WWOX: variants seen among roughly 807,000 people sequenced by gnomAD.
WWOX encodes the protein WW domain-containing oxidoreductase.
WWOX carries 69 observed loss-of-function variants against 46.2 expected under a neutral mutation model. The ratio of observed to expected loss-of-function variants is 1.49; its 90% CI spans 1.23 to 1.82. The LOEUF (loss-of-function observed/expected upper bound fraction) is 1.82. WWOX is among the 40% of genes most tolerant of loss of function. The pLI, the probability that WWOX is intolerant of heterozygous loss-of-function variation, is 0.00. For missense variants in WWOX, 919 were observed against 542.6 expected, an observed-to-expected ratio of 1.69 and a Z score of -6.89; for synonymous variants, 359 against 202.6, an observed-to-expected ratio of 1.77 and a Z score of -6.56.
intron 8 of WWOX, among the ~76,000 whole-genome samples, chr16:79,042,339 T>G (rs1274079847): frequency 6.6e-6 from 1 of 152,170 alleles, no homozygotes; most frequent in Non-Finnish European, 1.5e-5. Context: ...AACATGGAAG[T>G]TCATTGACTT....
chr16:78,775,182 C>G (rs1277658306), intron 8 of WWOX, among the ~76,000 whole-genome samples: 2 of 152,176 alleles, frequency 1.3e-5, no homozygotes, highest in African/African-American at 2.4e-5. Flanking sequence ...CCTGGCTCCT[C>G]TCCTCTCTTC....
At chr16:78,750,510 G>C (rs929450743) in intron 8 of WWOX, among the ~76,000 whole-genome samples, 1 of 151,864 alleles carries the variant, frequency 6.6e-6, no homozygotes, top group Non-Finnish European at 1.5e-5. Flanking sequence ...TTTCAGTTTC[G>C]GGGGGTACAT....
intron 8 of WWOX, among the ~76,000 whole-genome samples, chr16:78,969,437 A>G (rs540480921): frequency 2.0e-5 from 3 of 151,928 alleles, no homozygotes; most frequent in South Asian, 2.1e-4. Context: ...ATGCCCAGCT[A>G]ATTTTGTATT....
At chr16:79,146,102 T>C (rs2050178368) in intron 8 of WWOX, among the ~76,000 whole-genome samples, 1 of 152,218 alleles carries the variant, frequency 6.6e-6, no homozygotes, top group African/African-American at 2.4e-5. Flanking sequence ...TGCTGTGTTT[T>C]ATCTGTATTC....
chr16:78,915,334 G>C (rs187557224), intron 8 of WWOX, among the ~76,000 whole-genome samples: 3 of 152,286 alleles, frequency 2.0e-5, no homozygotes, highest in African/African-American at 4.8e-5. Context: ...AGTAAATGCT[G>C]TGTGTCTGCG....
At chr16:78,887,077 GGTGTGTGTGTGTGTGTGT>G (rs749992495) in intron 8 of WWOX, among the ~76,000 whole-genome samples, 7,809 of 60,990 alleles carry the variant, frequency 0.13, 322 homozygotes, top group Middle Eastern at 0.25. Context: ...GTGTGTGTGT[GGTGTGTGTGTGTGTGTGT>G]GTGTGTGTGT....
intron 8 of WWOX, among the ~76,000 whole-genome samples, chr16:78,971,975 C>A (rs74833443): frequency 6.6e-6 from 1 of 152,154 alleles, no homozygotes; most frequent in Non-Finnish European, 1.5e-5. Flanking sequence ...TGGAGCTCTT[C>A]CCAGGCCGAG....
chr16:78,895,288 C>T (rs1440204350), intron 8 of WWOX: 1 of 152,140 alleles, frequency 6.6e-6, no homozygotes, highest in African/African-American at 2.4e-5. Flanking sequence ...CTTTTCTTTT[C>T]TTAATTATGC....
At chr16:78,964,224 G>C (rs1049836497) in intron 8 of WWOX, among the ~76,000 whole-genome samples, 2 of 152,190 alleles carry the variant, frequency 1.3e-5, no homozygotes, top group Non-Finnish European at 2.9e-5. Context: ...ACCGTTGGGA[G>C]GTCTCAGAAG....
chr16:78,125,051 T>G (rs1411999367), intron 4 of WWOX, among the ~76,000 whole-genome samples: 1 of 152,196 alleles, frequency 6.6e-6, no homozygotes, highest in Non-Finnish European at 1.5e-5. Context: ...AAACTGAAGT[T>G]AAAGCTAATA....
At chr16:78,421,373 C>A (rs1477207083) in intron 6 of WWOX, among the ~76,000 whole-genome samples, 1 of 152,104 alleles carries the variant, frequency 6.6e-6, no homozygotes, top group African/African-American at 2.4e-5. Flanking sequence ...CTAATCTCTG[C>A]CTCTGTCTTT....
chr16:79,182,082 CAAAGGATGATTCCTGCT>C (rs2050923647), intron 8 of WWOX, among the ~76,000 whole-genome samples: 4 of 151,368 alleles, frequency 2.6e-5, no homozygotes, highest in African/African-American at 9.7e-5. Context: ...CCACCCTACC[CAAAGGATGATTCCTGCT>C]CACACCAGCC....
At chr16:79,153,477 CT>C (rs1438175099) in intron 8 of WWOX, among the ~76,000 whole-genome samples, 3 of 152,248 alleles carry the variant, frequency 2.0e-5, no homozygotes, top group African/African-American at 7.2e-5. Context: ...TCGGGAATGC[CT>C]TTTGTCGTTA....
chr16:78,836,495 G>A (rs1567594226), intron 8 of WWOX, among the ~76,000 whole-genome samples: 2 of 152,128 alleles, frequency 1.3e-5, no homozygotes, highest in East Asian at 3.9e-4. Flanking sequence ...TCTCACATTG[G>A]TATTTTCAGA....
At chr16:79,080,380 C>T (rs999216482) in intron 8 of WWOX, among the ~76,000 whole-genome samples, 9 of 152,214 alleles carry the variant, frequency 5.9e-5, no homozygotes, top group South Asian at 2.1e-4. Flanking sequence ...CAGGAATTTG[C>T]ACATTATAGT....
chr16:78,955,287 A>G (rs1464612906), intron 8 of WWOX, among the ~76,000 whole-genome samples: 1 of 152,150 alleles, frequency 6.6e-6, no homozygotes, highest in Non-Finnish European at 1.5e-5. Flanking sequence ...CATGCCCTAA[A>G]ATAGATATTC....
chr16:78,669,739 A>G (rs575960651), intron 8 of WWOX, among the ~76,000 whole-genome samples: 39 of 152,344 alleles, frequency 2.6e-4, no homozygotes, highest in African/African-American at 6.5e-4. Context: ...CATCCCTTCA[A>G]TATGTGTTCC....
intron 5 of WWOX, among the ~76,000 whole-genome samples, chr16:78,361,971 C>CTTT (rs56026502): frequency 0.15 from 20,480 of 138,468 alleles, 2,580 homozygotes; most frequent in African/African-American, 0.34. Context: ...CAGGTATTTC[C>CTTT]TTTTTTTTTT....
chr16:78,459,095 G>C (rs554277786), intron 8 of WWOX, among the ~76,000 whole-genome samples: 1 of 152,116 alleles, frequency 6.6e-6, no homozygotes, highest in African/African-American at 2.4e-5. Context: ...GGACTGATCC[G>C]CAAGGGCCTT....
Sources: allele counts gnomAD v4.1 joint callset (sites outside exome capture counted in the v4.1 genomes callset), GRCh38; gene constraint gnomAD v4.1.1; transcripts MANE v1.5; gene names NCBI Gene and HGNC (gene_info 2026-07-23, HGNC 2026-07-21).